The following TMEM181 variants were observed in gnomAD, a reference collection of about 807,000 sequenced individuals.
TMEM181 encodes the protein transmembrane protein 181.
TMEM181 carries 39 observed loss-of-function variants against 71.9 expected under a neutral mutation model. The observed-to-expected ratio is 0.54, with a 90% CI of 0.42 to 0.71. The LOEUF is 0.71. Among genes scored for constraint, TMEM181 ranks in the 30% least tolerant of loss-of-function variants. The pLI, the probability that TMEM181 is intolerant of heterozygous loss-of-function variation, is 0.00. For missense variants in TMEM181, 595 were observed against 583.0 expected, an observed-to-expected ratio of 1.02 and a Z score of -0.21; for synonymous variants, 245 against 228.8, an observed-to-expected ratio of 1.07 and a Z score of -0.64.
intron 10 of TMEM181, among the ~76,000 whole-genome samples, chr6:158,612,449 AAT>A (rs1562308199): frequency 6.6e-6 from 1 of 152,322 alleles, no homozygotes; most frequent in East Asian, 1.9e-4. Context: ...TTGTCTGTGA[AAT>A]AGCCATGCTC....
intron 2 of TMEM181, among the ~76,000 whole-genome samples, chr6:158,579,181 C>T (rs1783329301): frequency 6.6e-6 from 1 of 151,654 alleles, no homozygotes; most frequent in Admixed American, 6.6e-5. Flanking sequence ...AACACTTGAA[C>T]CCAGGAGGCG....
At chr6:158,595,267 G>C (rs1784329557) in intron 6 of TMEM181, among the ~76,000 whole-genome samples, 4 of 152,100 alleles carry the variant, frequency 2.6e-5, no homozygotes, top group Non-Finnish European at 5.9e-5. Context: ...ATTATAAGCT[G>C]CTTTCATTTC....
intron 1 of TMEM181, among the ~76,000 whole-genome samples, chr6:158,563,059 G>A (rs890469277): frequency 6.6e-6 from 1 of 152,220 alleles, no homozygotes; most frequent in African/African-American, 2.4e-5. Context: ...CTTGGCAAGG[G>A]TTTTCACGTC....
intron 11 of TMEM181, among the ~76,000 whole-genome samples, chr6:158,624,136 G>A (rs1316527314): frequency 2.0e-5 from 3 of 152,196 alleles, no homozygotes; most frequent in Non-Finnish European, 2.9e-5. Context: ...CCCTGTCACT[G>A]TGGTTCTGGT....
At chr6:158,576,432 C>T (rs1197070387) in intron 2 of TMEM181, among the ~76,000 whole-genome samples, 2 of 152,080 alleles carry the variant, frequency 1.3e-5, no homozygotes, top group African/African-American at 2.4e-5. Context: ...GCCCCTCCCC[C>T]GCTGGCTAAC....
intron 2 of TMEM181, among the ~76,000 whole-genome samples, chr6:158,580,287 G>A (rs948116632): frequency 1.3e-5 from 2 of 152,102 alleles, no homozygotes; most frequent in South Asian, 4.2e-4. Flanking sequence ...CTGAGACTGC[G>A]CTATTGCACT....
chr6:158,596,655 C>T (rs6933635), intron 6 of TMEM181, among the ~76,000 whole-genome samples: 54,995 of 151,918 alleles, frequency 0.36, 11,029 homozygotes, highest in East Asian at 0.75. Flanking sequence ...CTGACAAAGA[C>T]GTACCCAAGA....
chr6:158,631,971 G>C lies in TMEM181; in HGVS notation c.*83G>C. ...TGCTGACCTTCCCCTGTTATATTCA[G>C]ATTTTTCTTACAAGCAGAGATTTCC... On this transcript the variant is annotated 3_prime_UTR_variant, in exon 17 of 17. Transcript: ENST00000684151. 7.9e-7 allele frequency: 1 copy of C among 1,271,818 alleles called. No individual in the cohort carries two copies. The highest frequency in any genetic ancestry group is 1.1e-6 in the Non-Finnish European group (1 of 909,700). The allele number at this position is 1,271,818 out of a possible 1,614,324, so 78.8% of individuals were successfully genotyped here.
At chr6:158,560,035 C>CCTCTTCCGCCGTGAGAGT (rs1782063168), upstream of TMEM181, 2 of 985,194 alleles carry the variant, frequency 2.0e-6, no homozygotes, top group Non-Finnish European at 1.2e-6. Context: ...CGCGCCGCGC[C>CCTCTTCCGCCGTGAGAGT]CTCTTCCGCC....
chr6:158,566,262 G>C (rs1782487888), intron 1 of TMEM181, among the ~76,000 whole-genome samples: 1 of 152,072 alleles, frequency 6.6e-6, no homozygotes, highest in Non-Finnish European at 1.5e-5. Context: ...TGGAGTTGAG[G>C]GGAGAGGACT....
chr6:158,560,894 C>T (rs903693793), intron 1 of TMEM181, among the ~76,000 whole-genome samples: 5 of 152,050 alleles, frequency 3.3e-5, no homozygotes, highest in East Asian at 1.9e-4. Context: ...TGGACGCCAT[C>T]CCTAAAGCTT....
chr6:158,575,178 C>G (rs1052992635), intron 2 of TMEM181, among the ~76,000 whole-genome samples: 1 of 152,188 alleles, frequency 6.6e-6, no homozygotes, highest in African/African-American at 2.4e-5. Flanking sequence ...GTGGCCCAGT[C>G]ATGTTGACAC....
At position 158,554,839 on chromosome 6, in the gene TMEM181, C is replaced by G. The variant is rs1327271643; in HGVS notation, c.131+17974C>G. Among the ~76,000 whole-genome samples, 6 of 152,288 alleles carry G rather than the reference C, an allele frequency of 3.9e-5. No homozygotes were observed. In the East Asian group the frequency reaches 1.2e-3, roughly 29 times the overall value. Reference sequence around the variant, plus strand: ...AAAAGATAATAAAACACAGCTGGATCCAAATTGTATTATTGACAAAGTTGA... The same window carrying G: ...AAAAGATAATAAAACACAGCTGGATGCAAATTGTATTATTGACAAAGTTGA... On this transcript the variant is annotated intron_variant, in intron 1 of 16. Coordinates refer to the TMEM181 transcript ENST00000367090.
At chr6:158,606,082 A>G (rs77043162) in intron 7 of TMEM181, among the ~76,000 whole-genome samples, 2 of 152,300 alleles carry the variant, frequency 1.3e-5, no homozygotes, top group East Asian at 1.9e-4. Context: ...ATGGAAGGAC[A>G]CAGGCGCGTG....
At chr6:158,604,880 A>G (rs1461623190) in intron 6 of TMEM181, among the ~76,000 whole-genome samples, 1 of 152,208 alleles carries the variant, frequency 6.6e-6, no homozygotes, top group Non-Finnish European at 1.5e-5. Flanking sequence ...TTGGTAATTA[A>G]GATTTTTTTA....
At chr6:158,536,655 A>T in exon 1 of TMEM181, 1 of 1,490,126 alleles carries the variant, frequency 6.7e-7, no homozygotes, top group Non-Finnish European at 8.9e-7. Context: ...CCCGATCCCC[A>T]GTGCTGGGAG....
chr6:158,628,914 C>T (rs951982828), intron 14 of TMEM181, among the ~76,000 whole-genome samples: 13 of 152,328 alleles, frequency 8.5e-5, no homozygotes, highest in African/African-American at 1.7e-4. Context: ...TGAGGGCTGC[C>T]GTGAGCCTCC....
chr6:158,633,260 A>G lies in TMEM181; in HGVS notation c.*1372A>G, dbSNP rs576483056. On this transcript the variant is annotated 3_prime_UTR_variant, in exon 17 of 17. Transcript: ENST00000684151. Reference sequence around the variant, plus strand: ...GGTTCCCTGTCCTCCATGTGTCCACATGGCGGTCAGGTAGGGACGACCTGT... The same window carrying G: ...GGTTCCCTGTCCTCCATGTGTCCACGTGGCGGTCAGGTAGGGACGACCTGT... 22 of 152,304 alleles carry G rather than the reference A, an allele frequency of 1.4e-4. No homozygotes were observed. Among genetic ancestry groups the G allele is most frequent in the African/African-American group, 4.8e-4 (20 of 41,566 alleles). 9.4% of individuals were successfully genotyped at this position (152,304 alleles called of 1,614,324 possible).
In TMEM181 at chr6:158,572,897, GGGTTGTGA is replaced by G. The variant is rs951907447; in HGVS notation, c.9-507_9-500del. ...GGGAGGAGTGGGCTTGTGGGCTTGT[GGGTTGTGA>G]GGTTGTGAGGTTGTGGGCTTGTGGG... On this transcript the variant is annotated intron_variant, in intron 1 of 16. Coordinates refer to ENST00000684151, the MANE Select transcript of TMEM181 (RefSeq NM_001376852.1). Among the ~76,000 whole-genome samples the G allele has an allele frequency of 9.2e-5, 13 of 141,916 alleles. No homozygotes were observed. The South Asian group carries it at 2.3e-3, about 25-fold the overall frequency. 93.1% of individuals were successfully genotyped at this position (141,916 alleles called of 152,430 possible). A position where few individuals can be genotyped will look rare whatever the true frequency, so the allele number is the denominator to read the frequency against.
Sources: allele counts gnomAD v4.1 joint callset (sites outside exome capture counted in the v4.1 genomes callset), GRCh38; gene constraint gnomAD v4.1.1; transcripts MANE v1.5; gene names NCBI Gene and HGNC (gene_info 2026-07-23, HGNC 2026-07-21).